Variants in ROR1 observed in about 807,000 individuals in gnomAD.
ROR1 encodes inactive tyrosine-protein kinase transmembrane receptor ROR1.
Under a neutral mutation model 78.8 loss-of-function variants are expected in ROR1, and 19 were observed. That is an observed-to-expected ratio of 0.24 (90% CI 0.17 to 0.35). The LOEUF is 0.35. Ranked by LOEUF, ROR1 falls within the 10% of genes least tolerant of loss-of-function variation. The pLI is 1.00. For missense variants in ROR1, 917 were observed against 1,177.8 expected, an observed-to-expected ratio of 0.78 and a Z score of 3.24; for synonymous variants, 386 against 433.6, an observed-to-expected ratio of 0.89 and a Z score of 1.36.
rs549430361 is a variant in ROR1 at position 64,165,184 on chromosome 1, T to G, written c.1386+5992T>G. ...AGATATTTTAGGTTTCCACAATGGCTGAACTAATTTACACTCCCATCAACA... is the reference window on the plus strand; with the variant it reads ...AGATATTTTAGGTTTCCACAATGGCGGAACTAATTTACACTCCCATCAACA... On this transcript the variant is annotated intron_variant, in intron 8 of 8. Coordinates refer to ENST00000371079, the MANE Select transcript of ROR1 (RefSeq NM_005012.4). 8.3e-4 allele frequency among the ~76,000 whole-genome samples: 126 copies of G among 152,354 alleles called. 1 individual carries two copies. The highest frequency in any genetic ancestry group is 3.4e-3 in the Middle Eastern group (1 of 294).
intron 2 of ROR1, among the ~76,000 whole-genome samples, chr1:64,039,153 T>C (rs1177123406): frequency 6.6e-6 from 1 of 152,190 alleles, no homozygotes; most frequent in East Asian, 1.9e-4. Flanking sequence ...GCAGATTCTT[T>C]TAAATTTTGA....
rs138871867 is a variant in ROR1, at chr1:64,044,924, A to G, written c.164-4767A>G. The stretch of plus-strand genomic sequence containing the variant: ...ATATTAATGCATTTGAATTTTCTAT[A>G]TTAGATAAGTAAGGGTGTCCACATT... On this transcript the variant is annotated intron_variant, in intron 2 of 8. Coordinates refer to ENST00000371079, the MANE Select transcript of ROR1 (RefSeq NM_005012.4). 2.2e-3 allele frequency among the ~76,000 whole-genome samples: 334 copies of G among 152,300 alleles called. 2 individuals are homozygous for G. Among genetic ancestry groups the G allele is most frequent in the African/African-American group, 7.5e-3 (311 of 41,572 alleles).
At chr1:64,054,678 T>G (rs1272626163) in intron 4 of ROR1, among the ~76,000 whole-genome samples, 1 of 152,238 alleles carries the variant, frequency 6.6e-6, no homozygotes, top group Non-Finnish European at 1.5e-5. Context: ...TCATACTTCA[T>G]ACATTATCCT....
intron 1 of ROR1, among the ~76,000 whole-genome samples, chr1:63,807,325 T>A (rs1644836170): frequency 6.6e-6 from 1 of 152,162 alleles, no homozygotes. Flanking sequence ...CCTGTCTCTC[T>A]GGGGGGAGCA....
chr1:63,971,572 T>C (rs1646120182), intron 1 of ROR1, among the ~76,000 whole-genome samples: 1 of 152,196 alleles, frequency 6.6e-6, no homozygotes, highest in East Asian at 1.9e-4. Context: ...TATATATGTA[T>C]TACTCAGAAA....
At chr1:64,111,256 T>A (rs1384698246) in intron 4 of ROR1, 1 of 152,220 alleles carries the variant, frequency 6.6e-6, no homozygotes, top group Non-Finnish European at 1.5e-5. Context: ...GATTTGAGGA[T>A]GCTTCCATTT....
At chr1:63,906,190 C>T (rs959492247) in intron 1 of ROR1, among the ~76,000 whole-genome samples, 1 of 152,104 alleles carries the variant, frequency 6.6e-6, no homozygotes, top group Non-Finnish European at 1.5e-5. Flanking sequence ...CCTCTGTGAA[C>T]GTTTCAGAGT....
intron 4 of ROR1, among the ~76,000 whole-genome samples, chr1:64,096,398 C>T (rs1340375304): frequency 3.3e-5 from 5 of 152,074 alleles, no homozygotes; most frequent in East Asian, 1.9e-4. Flanking sequence ...CCACTCTCCA[C>T]CCTCCAATAG....
At chr1:64,159,339 A>G (rs1450161053) in intron 8 of ROR1, 147 bp downstream of exon 8, 2 of 653,812 alleles carry the variant, frequency 3.1e-6, no homozygotes, top group African/African-American at 1.8e-5. Context: ...GCAAAGACGA[A>G]CTACCTACCT....
At chr1:64,079,908 C>T (rs928468634) in intron 4 of ROR1, among the ~76,000 whole-genome samples, 33 of 151,924 alleles carry the variant, frequency 2.2e-4, no homozygotes, top group African/African-American at 7.3e-4. Context: ...GAGAAAAATA[C>T]ACATGGTATT....
At chr1:63,843,356 A>C in intron 1 of ROR1, 1 of 907,354 alleles carries the variant, frequency 1.1e-6, no homozygotes, top group East Asian at 2.6e-5. Flanking sequence ...TTTTGCTTTT[A>C]AGGGGAGCAG....
intron 4 of ROR1, among the ~76,000 whole-genome samples, chr1:64,109,035 G>A (rs1001352443): frequency 1.4e-4 from 21 of 152,234 alleles, no homozygotes; most frequent in African/African-American, 3.1e-4. Context: ...GCCAGGAATC[G>A]GAATGCAAAA....
At chr1:63,948,414 G>A (rs1230451185) in intron 1 of ROR1, among the ~76,000 whole-genome samples, 2 of 151,606 alleles carry the variant, frequency 1.3e-5, no homozygotes, top group African/African-American at 4.9e-5. Flanking sequence ...AAAGAAGAGA[G>A]TTTCTTTTCC....
chr1:63,794,155 G>T (rs1644744183), intron 1 of ROR1, among the ~76,000 whole-genome samples: 1 of 152,162 alleles, frequency 6.6e-6, no homozygotes, highest in Non-Finnish European at 1.5e-5. Context: ...CAAAATATGG[G>T]CTCCGAGAGT....
At chr1:64,075,704 A>G (rs1260772) in intron 4 of ROR1, among the ~76,000 whole-genome samples, 55,690 of 151,916 alleles carry the variant, frequency 0.37, 13,581 homozygotes, top group African/African-American at 0.7. Flanking sequence ...TTCTCCTAAA[A>G]TCACTTTAAG....
chr1:64,093,151 T>G (rs948383015), intron 4 of ROR1, among the ~76,000 whole-genome samples: 1 of 152,164 alleles, frequency 6.6e-6, no homozygotes, highest in African/African-American at 2.4e-5. Flanking sequence ...CTATATTATA[T>G]TAAGGATGCA....
chr1:64,031,355 G>C (rs1646658311), intron 2 of ROR1, among the ~76,000 whole-genome samples: 1 of 152,240 alleles, frequency 6.6e-6, no homozygotes, highest in Non-Finnish European at 1.5e-5. Context: ...GAGGTACTTA[G>C]CCTTGCTATC....
chr1:63,795,504 A>G (rs1644754976), intron 1 of ROR1, among the ~76,000 whole-genome samples: 1 of 152,130 alleles, frequency 6.6e-6, no homozygotes, highest in Non-Finnish European at 1.5e-5. Flanking sequence ...TGGGTCAGGG[A>G]CATATTGTGG....
chr1:64,038,436 C>T (rs1277274063), intron 2 of ROR1, among the ~76,000 whole-genome samples: 1 of 152,210 alleles, frequency 6.6e-6, no homozygotes, highest in African/African-American at 2.4e-5. Context: ...TGCTCTCACT[C>T]TGACTTGTAC....
Sources: allele counts gnomAD v4.1 joint callset (sites outside exome capture counted in the v4.1 genomes callset), GRCh38; gene constraint gnomAD v4.1.1; transcripts MANE v1.5; gene names NCBI Gene and HGNC (gene_info 2026-07-23, HGNC 2026-07-21).